The following NKAIN2 variants were observed in gnomAD, a reference collection of about 807,000 sequenced individuals.
NKAIN2 encodes the protein sodium/potassium-transporting ATPase subunit beta-1-interacting protein 2.
Under a neutral mutation model 32.6 loss-of-function variants are expected in NKAIN2, and 14 were observed. That is an observed-to-expected ratio of 0.43 (90% CI 0.28 to 0.67). NKAIN2 has a LOEUF of 0.67. Among genes scored for constraint, NKAIN2 ranks in the 30% least tolerant of loss-of-function variants. The probability of loss-of-function intolerance (pLI) is 0.17; values close to 1 mark genes in which losing one functional copy is unlikely to be tolerated. For missense variants in NKAIN2, 198 were observed against 258.3 expected (o/e 0.77, Z 1.60); for synonymous variants, 80 against 87.2 (o/e 0.92, Z 0.46).
At chr6:124,137,400 G>A (rs540405539) in intron 1 of NKAIN2, among the ~76,000 whole-genome samples, 43 of 152,044 alleles carry the variant, frequency 2.8e-4, no homozygotes, top group Non-Finnish European at 5.0e-4. Context: ...ATCATGGACA[G>A]GTAGAATCAA....
chr6:124,233,162 T>G (rs1194897421), intron 1 of NKAIN2, among the ~76,000 whole-genome samples: 1 of 152,118 alleles, frequency 6.6e-6, no homozygotes, highest in Non-Finnish European at 1.5e-5. Flanking sequence ...CCTATTGGAT[T>G]GTAATATTCA....
chr6:124,151,067 T>G (rs2114391857), intron 1 of NKAIN2, among the ~76,000 whole-genome samples: 1 of 152,192 alleles, frequency 6.6e-6, no homozygotes, highest in Non-Finnish European at 1.5e-5. Flanking sequence ...GTCATGTTTC[T>G]TTTACTTAAT....
At chr6:124,765,753 G>A (rs1445739039) in intron 4 of NKAIN2, among the ~76,000 whole-genome samples, 1 of 152,172 alleles carries the variant, frequency 6.6e-6, no homozygotes, top group East Asian at 1.9e-4. Context: ...TCTAAAAACT[G>A]AAGAGTCCTC....
At chr6:124,002,813 C>T (rs73557097) in intron 1 of NKAIN2, among the ~76,000 whole-genome samples, 2,163 of 152,284 alleles carry the variant, frequency 0.014, 58 homozygotes, top group African/African-American at 0.05. Context: ...AATTCACAAA[C>T]GCTGAGCATG....
chr6:124,454,106 TG>T (rs35989042), intron 3 of NKAIN2, among the ~76,000 whole-genome samples: 16,373 of 60,764 alleles, frequency 0.27, 1,189 homozygotes, highest in East Asian at 0.54. Flanking sequence ...GTTTTTTTTT[TG>T]GGGGGGGGGG....
intron 4 of NKAIN2, among the ~76,000 whole-genome samples, chr6:124,709,764 A>G: frequency 6.6e-6 from 1 of 151,236 alleles, no homozygotes; most frequent in Non-Finnish European, 1.5e-5. Context: ...AATTTTATTG[A>G]TCCTTTCAAA....
At chr6:124,515,399 C>T (rs1778865409) in intron 3 of NKAIN2, among the ~76,000 whole-genome samples, 1 of 152,014 alleles carries the variant, frequency 6.6e-6, no homozygotes, top group African/African-American at 2.4e-5. Context: ...AGCCTAGCAC[C>T]TCCCACCTCT....
intron 1 of NKAIN2, among the ~76,000 whole-genome samples, chr6:123,862,367 C>A (rs1028026704): frequency 6.6e-6 from 1 of 152,076 alleles, no homozygotes; most frequent in Non-Finnish European, 1.5e-5. Context: ...TGCTCTTGCC[C>A]ATGTTATCAT....
intron 1 of NKAIN2, among the ~76,000 whole-genome samples, chr6:123,843,067 A>G (rs1774941718): frequency 6.6e-6 from 1 of 152,136 alleles, no homozygotes; most frequent in South Asian, 2.1e-4. Flanking sequence ...GACAATATCT[A>G]GGGTTGTCCA....
intron 1 of NKAIN2, among the ~76,000 whole-genome samples, chr6:124,209,105 A>G (rs1401217696): frequency 6.6e-6 from 1 of 150,878 alleles, no homozygotes; most frequent in Non-Finnish European, 1.5e-5. Context: ...AATCATCCCC[A>G]CTTTATACCC....
At chr6:124,762,328 TG>T (rs1778309450) in intron 4 of NKAIN2, among the ~76,000 whole-genome samples, 1 of 152,142 alleles carries the variant, frequency 6.6e-6, no homozygotes, top group African/African-American at 2.4e-5. Flanking sequence ...TTAGTCAGAT[TG>T]GATTAGGACC....
At chr6:124,289,382 T>A (rs541242135) in intron 2 of NKAIN2, among the ~76,000 whole-genome samples, 1 of 151,014 alleles carries the variant, frequency 6.6e-6, no homozygotes, top group African/African-American at 2.5e-5. Context: ...TGCTTTGACT[T>A]CCTTAACTTT....
intron 1 of NKAIN2, among the ~76,000 whole-genome samples, chr6:124,214,307 A>C (rs995642345): frequency 6.6e-6 from 1 of 152,182 alleles, no homozygotes; most frequent in Non-Finnish European, 1.5e-5. Flanking sequence ...AATTCTTAAG[A>C]ATTTATGAGT....
At chr6:124,202,442 T>A (rs1790638381) in intron 1 of NKAIN2, among the ~76,000 whole-genome samples, 1 of 151,734 alleles carries the variant, frequency 6.6e-6, no homozygotes, top group African/African-American at 2.4e-5. Flanking sequence ...CTTTGTGGAC[T>A]GAGTGAATAA....
chr6:124,580,181 A>G (rs1781470704), intron 3 of NKAIN2, among the ~76,000 whole-genome samples: 1 of 152,202 alleles, frequency 6.6e-6, no homozygotes, highest in Non-Finnish European at 1.5e-5. Context: ...TACACAGAAA[A>G]CCAAAAACAC....
At chr6:124,432,399 T>A (rs1235271338) in intron 3 of NKAIN2, among the ~76,000 whole-genome samples, 1 of 152,160 alleles carries the variant, frequency 6.6e-6, no homozygotes, top group Non-Finnish European at 1.5e-5. Context: ...AATGTATGCA[T>A]GTTAAATCTT....
At position 124,173,055 on chromosome 6, in the gene NKAIN2, T is replaced by A. The variant is rs146021029; in HGVS notation, c.55-109950T>A. 3.9e-3 allele frequency among the ~76,000 whole-genome samples: 587 copies of A among 152,234 alleles called. 1 individual carries two copies. Among genetic ancestry groups the A allele is most frequent in the African/African-American group, 0.013 (540 of 41,566 alleles). ...CTGATTTTACAACTGAAGTAGAATA[T>A]GATTGGGGATTATCTGAAGTCTCCT... On this transcript the variant is annotated intron_variant, in intron 1 of 6. Coordinates refer to ENST00000368417, the MANE Select transcript of NKAIN2 (RefSeq NM_001040214.3).
At chr6:124,271,268 G>T (rs1199105024) in intron 1 of NKAIN2, among the ~76,000 whole-genome samples, 1 of 152,098 alleles carries the variant, frequency 6.6e-6, no homozygotes, top group Non-Finnish European at 1.5e-5. Flanking sequence ...CCAGGCTGGA[G>T]TGCAGTGGCA....
chr6:124,595,700 A>G (rs1782059625), intron 3 of NKAIN2, among the ~76,000 whole-genome samples: 1 of 152,192 alleles, frequency 6.6e-6, no homozygotes, highest in African/African-American at 2.4e-5. Context: ...GCTTCTAATA[A>G]AACTGACCCT....
Sources: allele counts gnomAD v4.1 joint callset (sites outside exome capture counted in the v4.1 genomes callset), GRCh38; gene constraint gnomAD v4.1.1; transcripts MANE v1.5; gene names NCBI Gene and HGNC (gene_info 2026-07-23, HGNC 2026-07-21).